KIRREL3: variants seen among roughly 807,000 people sequenced by gnomAD.
KIRREL3 encodes kin of IRRE-like protein 3.
In KIRREL3, 36 loss-of-function variants were observed where a neutral mutation model predicts 89.7. The observed-to-expected ratio is 0.40, with a 90% CI of 0.31 to 0.53. The LOEUF is 0.53. Among genes scored for constraint, KIRREL3 ranks in the 20% least tolerant of loss-of-function variants. KIRREL3 has a pLI of 0.49. For missense variants in KIRREL3, 864 were observed against 1,056.6 expected, an observed-to-expected ratio of 0.82 and a Z score of 2.53; for synonymous variants, 445 against 441.4, an observed-to-expected ratio of 1.01 and a Z score of -0.10.
At chr11:126,784,071 T>C (rs866387841) in intron 1 of KIRREL3, among the ~76,000 whole-genome samples, 1 of 152,028 alleles carries the variant, frequency 6.6e-6, no homozygotes, top group East Asian at 1.9e-4. Flanking sequence ...ATTGTGAAGG[T>C]CATAAAAAAC....
Position 126,872,551 on chromosome 11 carries a change from A to G in KIRREL3, c.55+127904T>C, listed in dbSNP as rs1163936888. Among the ~76,000 whole-genome samples, 1 of 152,192 alleles carries G rather than the reference A, an allele frequency of 6.6e-6. No homozygotes were observed. The highest frequency in any genetic ancestry group is 1.5e-5 in the Non-Finnish European group (1 of 68,024). On this transcript the variant is annotated intron_variant, in intron 1 of 16. Transcript: ENST00000525144. This position sits in a 1 kb window ranked among gnomAD's most constrained non-coding sequence, Gnocchi z 4.2. ...AAGAACCCTCCCGGACTAAGCCCCA[A>G]TTTGGGGGCTCACTTCACCTGCATC...
intron 2 of KIRREL3, among the ~76,000 whole-genome samples, chr11:126,559,889 G>C (rs1003031232): frequency 6.6e-6 from 1 of 151,986 alleles, no homozygotes; most frequent in African/African-American, 2.4e-5. Flanking sequence ...CACCATGTTG[G>C]CCAGGCTGGT....
At chr11:126,549,970 A>G (rs1160281147) in intron 2 of KIRREL3, 2 of 151,810 alleles carry the variant, frequency 1.3e-5, no homozygotes, top group Non-Finnish European at 2.9e-5. Flanking sequence ...CATGCTGGAC[A>G]CTCCTCTCCT....
chr11:126,510,702 G>A (rs1958192875), intron 4 of KIRREL3, among the ~76,000 whole-genome samples: 1 of 152,154 alleles, frequency 6.6e-6, no homozygotes, highest in African/African-American at 2.4e-5. Flanking sequence ...CTAGTGAGCT[G>A]AACCTCCTCA....
intron 1 of KIRREL3, among the ~76,000 whole-genome samples, chr11:126,863,136 C>G (rs998901835): frequency 4.6e-5 from 7 of 152,268 alleles, no homozygotes; most frequent in Non-Finnish European, 1.0e-4. Flanking sequence ...CCTGCTTCCC[C>G]CACATGAAAG....
At chr11:126,889,076 C>T (rs1211695610) in intron 1 of KIRREL3, among the ~76,000 whole-genome samples, 8 of 152,256 alleles carry the variant, frequency 5.3e-5, no homozygotes, top group Admixed American at 3.3e-4. Context: ...CAATAAATAA[C>T]GTCGTTAAAG....
chr11:126,442,130 A>G (rs146067943), intron 10 of KIRREL3, among the ~76,000 whole-genome samples: 189 of 151,808 alleles, frequency 1.2e-3, no homozygotes, highest in African/African-American at 4.3e-3. Flanking sequence ...AATTTTTAGT[A>G]TTTATTATTT....
intron 1 of KIRREL3, among the ~76,000 whole-genome samples, chr11:126,790,818 C>G (rs1950616976): frequency 6.6e-6 from 1 of 152,132 alleles, no homozygotes; most frequent in South Asian, 2.1e-4. Flanking sequence ...CGCTCTTCCC[C>G]CATCTCTGTC....
chr11:126,923,460 T>C (rs528364702), intron 1 of KIRREL3, among the ~76,000 whole-genome samples: 1 of 146,188 alleles, frequency 6.8e-6, no homozygotes, highest in South Asian at 2.2e-4. Flanking sequence ...TTTTTTTTTT[T>C]TGAGACAGAG....
In KIRREL3 at chr11:126,726,278, A is replaced by T. The variant is rs117604059; in HGVS notation, c.56-163366T>A. The stretch of plus-strand genomic sequence containing the variant: ...TACAAATTAATGAAAGATCTCTGAC[A>T]TATTTTCTAGAATTTTTCCTCAGAA... On this transcript the variant is annotated intron_variant, in intron 1 of 16. Coordinates refer to ENST00000525144, the MANE Select transcript of KIRREL3 (RefSeq NM_032531.4). 3.5e-3 allele frequency among the ~76,000 whole-genome samples: 539 copies of T among 152,326 alleles called. 2 individuals are homozygous for T. The highest frequency in any genetic ancestry group is 6.5e-3 in the Non-Finnish European group (441 of 68,026).
At position 126,796,661 on chromosome 11, in the gene KIRREL3, CTTTTAT is replaced by C. The variant is rs959179105; in HGVS notation, c.55+203788_55+203793del. ...ACCCTGCTTTTTATTTATTTTTATT[CTTTTAT>C]TTTTATTTTTATTTTATTTTATTTT... On this transcript the variant is annotated intron_variant, in intron 1 of 16. Coordinates refer to ENST00000525144, the MANE Select transcript of KIRREL3 (RefSeq NM_032531.4). The surrounding 1 kb of genome is among the most constrained non-coding windows in gnomAD (Gnocchi z 5.1). Among the ~76,000 whole-genome samples the C allele has an allele frequency of 9.9e-5, 15 of 151,960 alleles. No individual in the cohort carries two copies. Among genetic ancestry groups the C allele is most frequent in the African/African-American group, 1.9e-4 (8 of 41,360 alleles).
rs71985337 is a variant in KIRREL3 at position 126,664,236 on chromosome 11, ATT to A, written c.56-101326_56-101325del. Among the ~76,000 whole-genome samples, 127 of 147,436 alleles carry A rather than the reference ATT, an allele frequency of 8.6e-4. No individual in the cohort carries two copies. Among genetic ancestry groups the A allele is most frequent in the African/African-American group, 1.5e-3 (60 of 40,210 alleles). On this transcript the variant is annotated intron_variant, in intron 1 of 16. Transcript: ENST00000525144. This position sits in a 1 kb window ranked among gnomAD's most constrained non-coding sequence, Gnocchi z 5.4. ...TCAGGCTTTTGCTGGGGCCATTAGC[ATT>A]TTTTTTTTTTTTACCATCATTATGA...
chr11:126,868,349 C>T (rs928347943), intron 1 of KIRREL3, among the ~76,000 whole-genome samples: 9 of 152,142 alleles, frequency 5.9e-5, no homozygotes, highest in African/African-American at 1.4e-4. Flanking sequence ...CCCCGTAGAT[C>T]GATGTGGGTC....
intron 1 of KIRREL3, among the ~76,000 whole-genome samples, chr11:126,596,838 T>C (rs927668909): frequency 1.4e-4 from 21 of 152,160 alleles, no homozygotes; most frequent in Admixed American, 6.5e-5. Context: ...CCAGAAGAGT[T>C]TGATGGCCTC....
At chr11:126,775,524 C>A (rs1592110630) in intron 1 of KIRREL3, among the ~76,000 whole-genome samples, 1 of 152,184 alleles carries the variant, frequency 6.6e-6, no homozygotes, top group African/African-American at 2.4e-5. Flanking sequence ...TTGTGACCCT[C>A]CTTTCCAGCT....
intron 1 of KIRREL3, among the ~76,000 whole-genome samples, chr11:126,966,296 C>G (rs1039401305): frequency 1.3e-5 from 2 of 152,118 alleles, no homozygotes. Flanking sequence ...TCGGCAAAAG[C>G]AGGCTGGAGA....
chr11:126,863,134 C>T (rs182533514), intron 1 of KIRREL3, among the ~76,000 whole-genome samples: 49 of 152,362 alleles, frequency 3.2e-4, no homozygotes, highest in African/African-American at 9.9e-4. Context: ...TGCCTGCTTC[C>T]CCCACATGAA....
At position 126,993,169 on chromosome 11, in the gene KIRREL3, G is replaced by A. The variant is rs1055731315; in HGVS notation, c.55+7286C>T. Among the ~76,000 whole-genome samples, 1 of 152,214 alleles carries A rather than the reference G, an allele frequency of 6.6e-6. No individual in the cohort carries two copies. Among genetic ancestry groups the A allele is most frequent in the Non-Finnish European group, 1.5e-5 (1 of 68,034 alleles). ...TTGATCCCTAAACCCGTGATGTAGA[G>A]AGGACCACAAACCCATAGGCTACTA... On this transcript the variant is annotated intron_variant, in intron 1 of 16. Coordinates refer to ENST00000525144, the MANE Select transcript of KIRREL3 (RefSeq NM_032531.4). This position sits in a 1 kb window ranked among gnomAD's most constrained non-coding sequence, Gnocchi z 6.1.
intron 1 of KIRREL3, among the ~76,000 whole-genome samples, chr11:126,945,920 T>C (rs1414726966): frequency 6.6e-6 from 1 of 152,214 alleles, no homozygotes; most frequent in Non-Finnish European, 1.5e-5. Context: ...ATACTGTTCA[T>C]TCATTGCCTC....
Sources: allele counts gnomAD v4.1 joint callset (sites outside exome capture counted in the v4.1 genomes callset), GRCh38; gene constraint gnomAD v4.1.1; non-coding constraint Gnocchi (gnomAD v3.1); transcripts MANE v1.5; gene names NCBI Gene and HGNC (gene_info 2026-07-23, HGNC 2026-07-21).